The following USP13 variants were observed in gnomAD, a reference collection of about 807,000 sequenced individuals.
USP13 encodes the protein ubiquitin carboxyl-terminal hydrolase 13.
In USP13, 68 loss-of-function variants were observed where a neutral mutation model predicts 107.8. The ratio of observed to expected loss-of-function variants is 0.63; its 90% CI spans 0.52 to 0.77. The LOEUF is 0.77. USP13 is among the 30% of genes least tolerant of loss of function. USP13 has a pLI of 0.00. For missense variants in USP13, 945 were observed against 1,093.3 expected (o/e 0.86, Z 1.91); for synonymous variants, 377 against 389.5 (o/e 0.97, Z 0.38).
At chr3:179,760,696 A>G (rs1383013433) in intron 16 of USP13, among the ~76,000 whole-genome samples, 2 of 152,170 alleles carry the variant, frequency 1.3e-5, no homozygotes, top group Admixed American at 6.5e-5. Context: ...AGATGTATCT[A>G]TAGGCCTGCA....
chr3:179,778,418 A>C (rs148992055), intron 19 of USP13, among the ~76,000 whole-genome samples: 2 of 152,206 alleles, frequency 1.3e-5, no homozygotes, highest in East Asian at 1.9e-4. Context: ...TATGGAGCCT[A>C]TTCTAGCCTG....
At chr3:179,730,081 T>C in intron 8 of USP13, 108 bp from the exon 9 acceptor site, 1 of 994,860 alleles carries the variant, frequency 1.0e-6, no homozygotes, top group Non-Finnish European at 1.5e-6. Flanking sequence ...GGTAGATTGT[T>C]TAGTTTGACA....
chr3:179,733,669 G>T (rs1713885152), intron 10 of USP13, among the ~76,000 whole-genome samples: 1 of 152,220 alleles, frequency 6.6e-6, no homozygotes, highest in Non-Finnish European at 1.5e-5. Flanking sequence ...GATAGATGAT[G>T]AGAGGAATGT....
At chr3:179,777,760 T>G (rs925748838) in intron 19 of USP13, among the ~76,000 whole-genome samples, 1 of 152,118 alleles carries the variant, frequency 6.6e-6, no homozygotes. Context: ...CTGTATCCTC[T>G]CTTCATTTCA....
intron 12 of USP13, among the ~76,000 whole-genome samples, chr3:179,743,745 A>G (rs1010527285): frequency 4.6e-5 from 7 of 150,768 alleles, no homozygotes. Context: ...TTTTTTTTTC[A>G]GAAAGGAGAT....
At chr3:179,725,022 C>T (rs1473233655) in intron 8 of USP13, among the ~76,000 whole-genome samples, 1 of 152,080 alleles carries the variant, frequency 6.6e-6, no homozygotes, top group African/African-American at 2.4e-5. Flanking sequence ...GAGTTTGAGA[C>T]CAGCCTGGCC....
chr3:179,730,319 A>G, intron 9 of USP13, 59 bp downstream of exon 9: 3 of 1,544,518 alleles, frequency 1.9e-6, no homozygotes, highest in South Asian at 2.3e-5. Context: ...AAATGTTCAT[A>G]GTGGATATCT....
intron 10 of USP13, among the ~76,000 whole-genome samples, chr3:179,734,022 A>C (rs900451703): frequency 1.1e-4 from 16 of 152,192 alleles, no homozygotes; most frequent in Admixed American, 5.9e-4. Flanking sequence ...GGATGACAAA[A>C]GGGGGCGTTT....
chr3:179,782,929 G>A (rs570149923), intron 20 of USP13, among the ~76,000 whole-genome samples: 275 of 152,210 alleles, frequency 1.8e-3, no homozygotes, highest in Non-Finnish European at 3.7e-3. Flanking sequence ...ATTTTTAGTA[G>A]AGATGGGGTT....
At chr3:179,730,587 T>G in intron 9 of USP13, 29 bp from the exon 10 acceptor site, 3 of 1,575,834 alleles carry the variant, frequency 1.9e-6, no homozygotes, top group Non-Finnish European at 2.6e-6. Context: ...ACAATGACCT[T>G]TTTGTTTCTG....
chr3:179,779,734 A>AG (rs922770685), intron 19 of USP13, among the ~76,000 whole-genome samples: 4 of 151,238 alleles, frequency 2.6e-5, no homozygotes, highest in African/African-American at 9.8e-5. Flanking sequence ...AAAAAAAAAA[A>AG]AAAGAAAAAG....
chr3:179,746,051 C>T lies in USP13; in HGVS notation c.1709+834C>T, dbSNP rs932225488. ...AAGTTTGGCTCCAGGAGTTTTGCTA[C>T]GTTCAGATATTCTTTGGCCATTTTT... On this transcript the variant is annotated intron_variant, in intron 13 of 20. Coordinates refer to ENST00000263966, the MANE Select transcript of USP13 (RefSeq NM_003940.3). 4.0e-5 allele frequency among the ~76,000 whole-genome samples: 6 copies of T among 150,330 alleles called. No individual in the cohort carries two copies. In the South Asian group the frequency reaches 8.4e-4, roughly 21 times the overall value.
intron 6 of USP13, among the ~76,000 whole-genome samples, chr3:179,719,524 C>CCCGGAGGTCCCCCCTG (rs1391636112): frequency 9.4e-4 from 143 of 152,256 alleles, no homozygotes; most frequent in Non-Finnish European, 5.7e-4. Flanking sequence ...TCTCTGTTCC[C>CCCGGAGGTCCCCCCTG]CCGGAGGTCC....
At chr3:179,687,979 C>T (rs1711938033) in intron 2 of USP13, among the ~76,000 whole-genome samples, 1 of 152,152 alleles carries the variant, frequency 6.6e-6, no homozygotes. Context: ...CTGGAGCACA[C>T]TGTGATTTTA....
chr3:179,731,995 A>G (rs1239962391), intron 10 of USP13, among the ~76,000 whole-genome samples: 13 of 152,126 alleles, frequency 8.5e-5, no homozygotes. Flanking sequence ...CAAGCAAGAG[A>G]AGGGAGATTG....
chr3:179,783,393 G>A (rs768739350), intron 20 of USP13, among the ~76,000 whole-genome samples: 15 of 152,176 alleles, frequency 9.9e-5, no homozygotes, highest in Admixed American at 3.3e-4. Flanking sequence ...TAAAGTATGT[G>A]CAGAGTGCAT....
At chr3:179,679,804 T>G (rs928522883) in intron 1 of USP13, among the ~76,000 whole-genome samples, 91 of 98,016 alleles carry the variant, frequency 9.3e-4, no homozygotes, top group Non-Finnish European at 6.5e-4. Context: ...GTTTTTTTTT[T>G]TTTTTTTTTT....
chr3:179,653,627 C>T lies in USP13; in HGVS notation c.168+234C>T. On this transcript the variant is annotated intron_variant, in intron 1 of 20. Transcript: ENST00000263966. This position sits in a 1 kb window ranked among gnomAD's most constrained non-coding sequence, Gnocchi z 4.0. ...CCAGCCTCCCCAGGCTGGAAGGGCCCGATTCCCAGCAGCTTGCACACAGCC... is the reference window on the plus strand; with the variant it reads ...CCAGCCTCCCCAGGCTGGAAGGGCCTGATTCCCAGCAGCTTGCACACAGCC... The T allele has an allele frequency of 1.8e-6, 1 of 547,404 alleles. No individual in the cohort carries two copies. Among genetic ancestry groups the T allele is most frequent in the Non-Finnish European group, 3.2e-6 (1 of 315,726 alleles). The allele number at this position is 547,404 out of a possible 1,614,324, so 33.9% of individuals were successfully genotyped here.
At position 179,708,869 on chromosome 3, in the gene USP13, T is replaced by C. The variant is rs1712820327; in HGVS notation, c.717T>C (p.Ser239=). The C allele has an allele frequency of 1.2e-6, 2 of 1,613,972 alleles. No homozygotes were observed. Among genetic ancestry groups the C allele is most frequent in the Non-Finnish European group, 1.7e-6 (2 of 1,180,022 alleles). The part of the protein sequence containing the change: ...VLCGKWFFDS[S]GGNGHALEHY... ...GTGGAAAGTGGTTCTTTGACAGCTC[T>C]GGGGGCAACGGGCATGCGCTGGAGC... The change falls in exon 6 of 21, where the codon TCT becomes TCC. Residue 239 remains serine (S), a synonymous_variant. Coordinates refer to ENST00000263966, the MANE Select transcript of USP13 (RefSeq NM_003940.3).
Sources: gnomAD v4.1 joint callset for allele counts (sites outside exome capture counted in the v4.1 genomes callset) on GRCh38, gnomAD v4.1.1 for gene constraint, Gnocchi (gnomAD v3.1) non-coding constraint, MANE v1.5 for transcripts, NCBI Gene and HGNC (gene_info 2026-07-23, HGNC 2026-07-21) for gene names.